RSBN1L: variants seen among roughly 807,000 people sequenced by gnomAD.
RSBN1L encodes lysine-specific demethylase RSBN1L.
A neutral mutation model predicts 67.7 loss-of-function variants in RSBN1L; 30 were observed. The ratio of observed to expected loss-of-function variants is 0.44; its 90% CI spans 0.33 to 0.60. The LOEUF is 0.60. Ranked by LOEUF, RSBN1L falls within the 20% of genes least tolerant of loss-of-function variation. The pLI, the probability that RSBN1L is intolerant of heterozygous loss-of-function variation, is 0.02. For synonymous variants in RSBN1L, 433 were observed against 387.0 expected, an observed-to-expected ratio of 1.12 and a Z score of -1.39; for missense variants, 992 against 1,031.7, an observed-to-expected ratio of 0.96 and a Z score of 0.53.
intron 1 of RSBN1L, among the ~76,000 whole-genome samples, chr7:77,713,237 A>G (rs1584276973): frequency 6.6e-6 from 1 of 152,010 alleles, no homozygotes; most frequent in East Asian, 1.9e-4. Flanking sequence ...TCTCTAAACT[A>G]TCATTAGTTC....
intron 1 of RSBN1L, among the ~76,000 whole-genome samples, chr7:77,704,044 G>A (rs1459297631): frequency 6.6e-6 from 1 of 152,206 alleles, no homozygotes; most frequent in African/African-American, 2.4e-5. Context: ...ATGGTATATT[G>A]TAGAACCTGG....
At chr7:77,732,734 G>A (rs1299462733) in intron 1 of RSBN1L, among the ~76,000 whole-genome samples, 2 of 152,134 alleles carry the variant, frequency 1.3e-5, no homozygotes, top group Non-Finnish European at 2.9e-5. Flanking sequence ...CTTTCTTTGG[G>A]ATTATGGATA....
chr7:77,734,916 T>C (rs117807513), intron 1 of RSBN1L, among the ~76,000 whole-genome samples: 2,804 of 152,308 alleles, frequency 0.018, 38 homozygotes, highest in Middle Eastern at 0.071. Context: ...AGTTAAGTTA[T>C]ATGTGAACAG....
chr7:77,698,824 A>G (rs1164773168), intron 1 of RSBN1L, among the ~76,000 whole-genome samples: 3 of 151,938 alleles, frequency 2.0e-5, no homozygotes, highest in Non-Finnish European at 4.4e-5. Context: ...TCAGACACAA[A>G]TGCTATCTTG....
At chr7:77,757,224 T>G (rs1047762434) in intron 3 of RSBN1L, among the ~76,000 whole-genome samples, 9 of 152,272 alleles carry the variant, frequency 5.9e-5, no homozygotes, top group Non-Finnish European at 5.9e-5. Context: ...TCAACTTTAT[T>G]AAACACATAT....
intron 5 of RSBN1L, among the ~76,000 whole-genome samples, chr7:77,772,099 C>A (rs1439208452): frequency 6.6e-6 from 1 of 152,096 alleles, no homozygotes; most frequent in Non-Finnish European, 1.5e-5. Flanking sequence ...GTTTGAGAAC[C>A]TGTTAGGTTT....
chr7:77,749,990 A>G lies in RSBN1L; in HGVS notation c.1270A>G (p.Asn424Asp), dbSNP rs1473323718. ...AGACTATTTTTCATTTAATTTTCCC[A>G]ATTCACCAGTGAAAATGGAGATATT... ...FLDYFSFNFP[N>D]SPVKMEILGK... The change falls in exon 3 of 8, where the codon AAT becomes GAT. Residue 424 changes from asparagine (N) to aspartate (D), a missense_variant. Transcript: ENST00000334955. 6.2e-7 allele frequency: 1 copy of G among 1,613,528 alleles called. No individual in the cohort carries two copies. Among genetic ancestry groups the G allele is most frequent in the African/African-American group, 1.3e-5 (1 of 75,018 alleles).
intron 2 of RSBN1L, among the ~76,000 whole-genome samples, chr7:77,741,180 T>C (rs1429733091): frequency 6.6e-6 from 1 of 150,798 alleles, no homozygotes; most frequent in African/African-American, 2.4e-5. Flanking sequence ...AGAGATGGGG[T>C]TTTACCATGT....
intron 1 of RSBN1L, 33 bp from the exon 2 acceptor site, chr7:77,736,377 C>T: frequency 2.2e-6 from 2 of 926,470 alleles, no homozygotes; most frequent in Non-Finnish European, 2.9e-6. Context: ...GTAATTTTTT[C>T]ATTTTAAATA....
Position 77,779,125 on chromosome 7 carries a change from C to G in RSBN1L, c.2498C>G (p.Ala833Gly), listed in dbSNP as rs758979620. The G allele has an allele frequency of 6.2e-7, 1 of 1,603,808 alleles. No individual in the cohort carries two copies. The highest frequency in any genetic ancestry group is 8.5e-7 in the Non-Finnish European group (1 of 1,176,344). ...GTTGATACAAGGCAACACAGTTCAG[C>G]ACATTCAAATCAAGATAAAAAAGAC... ...SLVDTRQHSS[A>G]HSNQDKKDDD... Residue 833 changes from alanine to glycine, a missense_variant, in exon 8 of 8, where the codon GCA becomes GGA. This residue lies in a region of RSBN1L where 199 missense variants were observed against 167.7 expected (regional missense o/e 1.19). Transcript: ENST00000334955.
chr7:77,710,033 T>C (rs933647963), intron 1 of RSBN1L, among the ~76,000 whole-genome samples: 2 of 152,234 alleles, frequency 1.3e-5, no homozygotes, highest in African/African-American at 4.8e-5. Flanking sequence ...ATTGAACTTG[T>C]GGCCAAATCT....
chr7:77,717,477 T>C (rs6951235), intron 1 of RSBN1L, among the ~76,000 whole-genome samples: 3,014 of 152,308 alleles, frequency 0.02, 83 homozygotes, highest in African/African-American at 0.068. Flanking sequence ...GAATGAATTA[T>C]AGTAAAATAC....
chr7:77,749,746 T>C lies in RSBN1L; in HGVS notation c.1026T>C (p.Thr342=). 1 of 1,614,168 alleles carries C rather than the reference T, an allele frequency of 6.2e-7. No homozygotes were observed. Among genetic ancestry groups the C allele is most frequent in the Non-Finnish European group, 8.5e-7 (1 of 1,180,024 alleles). ...AGAATAACCTCAAAAGGTTGGACAC[T>C]TTGGAATTTAAACAACTCATTCATA... The part of the protein sequence containing the change: ...RVQNNLKRLD[T]LEFKQLIHIE... Residue 342 remains threonine, a synonymous_variant, in exon 3 of 8, where the codon ACT becomes ACC. Coordinates refer to ENST00000334955, the MANE Select transcript of RSBN1L (RefSeq NM_198467.3).
chr7:77,764,779 G>C (rs141476041), intron 3 of RSBN1L, among the ~76,000 whole-genome samples: 2,839 of 151,836 alleles, frequency 0.019, 77 homozygotes, highest in African/African-American at 0.064. Flanking sequence ...GGCGCGCGCC[G>C]GCCACCACAC....
chr7:77,709,830 C>G (rs1193048236), intron 1 of RSBN1L, among the ~76,000 whole-genome samples: 1 of 152,120 alleles, frequency 6.6e-6, no homozygotes, highest in African/African-American at 2.4e-5. Context: ...TTAACTTAGT[C>G]CATTTTTAAA....
chr7:77,780,084 C>G lies in RSBN1L; in HGVS notation c.*916C>G, dbSNP rs1358611768. The G allele has an allele frequency of 6.6e-6, 1 of 152,108 alleles. No individual in the cohort carries two copies. The highest frequency in any genetic ancestry group is 1.5e-5 in the Non-Finnish European group (1 of 68,054). The allele number at this position is 152,108 out of a possible 1,614,324, so 9.4% of individuals were successfully genotyped here. A position where few individuals can be genotyped will look rare whatever the true frequency, so the allele number is the denominator to read the frequency against. ...TGACCTTGTGATCCGCCCACCTTGG[C>G]CTCCCAAAGTGCTGGGATTGCAGGG... is the stretch of plus-strand genomic sequence containing the variant. On this transcript the variant is annotated 3_prime_UTR_variant, in exon 8 of 8. Transcript: ENST00000334955.
At position 77,778,914 on chromosome 7, in the gene RSBN1L, A is replaced by G; in HGVS notation, c.2287A>G (p.Lys763Glu). 6.2e-7 allele frequency: 1 copy of G among 1,614,070 alleles called. No homozygotes were observed. The change falls in exon 8 of 8, where the codon AAG becomes GAG. Residue 763 changes from lysine to glutamate, a missense_variant. Coordinates refer to ENST00000334955, the MANE Select transcript of RSBN1L (RefSeq NM_198467.3). ...KHEPIASVRI[K>E]EEPVNVNIPE... ...TGAACCTATTGCATCTGTAAGAATC[A>G]AGGAAGAACCTGTGAATGTTAATAT...
chr7:77,713,056 A>G (rs929869806), intron 1 of RSBN1L, among the ~76,000 whole-genome samples: 5 of 152,082 alleles, frequency 3.3e-5, no homozygotes, highest in African/African-American at 1.2e-4. Flanking sequence ...ATTGTTGAAG[A>G]TTTTATTATT....
At chr7:77,755,008 T>C (rs546034574) in intron 3 of RSBN1L, among the ~76,000 whole-genome samples, 14 of 152,222 alleles carry the variant, frequency 9.2e-5, no homozygotes, top group Non-Finnish European at 1.5e-5. Context: ...TCACAAAATA[T>C]AGTGAAACTG....
Sources: allele counts gnomAD v4.1 joint callset (sites outside exome capture counted in the v4.1 genomes callset), GRCh38; gene constraint gnomAD v4.1.1; regional missense constraint gnomAD v4.1.1; transcripts MANE v1.5; gene names NCBI Gene and HGNC (gene_info 2026-07-23, HGNC 2026-07-21).